HIPK3: variants seen among roughly 807,000 people sequenced by gnomAD.
HIPK3 encodes the protein homeodomain-interacting protein kinase 3.
In HIPK3, 47 loss-of-function variants were observed where a neutral mutation model predicts 124.2. That is an observed-to-expected ratio of 0.38 (90% CI 0.30 to 0.48). The LOEUF (loss-of-function observed/expected upper bound fraction) is 0.48. Among genes scored for constraint, HIPK3 ranks in the 20% least tolerant of loss-of-function variants. HIPK3 has a pLI of 0.98. For synonymous variants in HIPK3, 482 were observed against 515.2 expected, an observed-to-expected ratio of 0.94 and a Z score of 0.87; for missense variants, 1,286 against 1,454.3, an observed-to-expected ratio of 0.88 and a Z score of 1.88.
In HIPK3 at chr11:33,353,848, T is replaced by A; in HGVS notation, c.*280T>A. The A allele has an allele frequency of 2.6e-6, 1 of 381,430 alleles. No individual in the cohort carries two copies. The highest frequency in any genetic ancestry group is 4.9e-6 in the Non-Finnish European group (1 of 203,540). 23.6% of individuals were successfully genotyped at this position (381,430 alleles called of 1,614,324 possible). A position where few individuals can be genotyped will look rare whatever the true frequency, so the allele number is the denominator to read the frequency against. Reference sequence around the variant, plus strand: ...TCCTGCTATTTTTTATAAATTGCCTTCTAACTAGTGCAAGACACGTCTACA... The same window carrying A: ...TCCTGCTATTTTTTATAAATTGCCTACTAACTAGTGCAAGACACGTCTACA... On this transcript the variant is annotated 3_prime_UTR_variant, in exon 17 of 17. Transcript: ENST00000303296.
intron 1 of HIPK3, chr11:33,258,689 T>C (rs1386654150): frequency 1.3e-5 from 13 of 985,148 alleles, no homozygotes; most frequent in Non-Finnish European, 1.6e-5. Context: ...TGTTGTAAAA[T>C]GGTATGTGGC....
rs1851564287 is a variant in HIPK3, at chr11:33,286,701, C to T, written c.287C>T (p.Ala96Val). The change falls in exon 2 of 17, where the codon GCA (alanine) becomes GTA (valine). Residue 96 changes from alanine to valine, a missense_variant. Transcript: ENST00000303296. ...ACTGCAGGTGCTACAAAGGTCATAG[C>T]AGCTCAGGCACAGCAAGCTCACGTG... ...KNTAGATKVI[A>V]AQAQQAHVQA... 1 of 1,614,124 alleles carries T rather than the reference C, an allele frequency of 6.2e-7. No individual in the cohort carries two copies. The highest frequency in any genetic ancestry group is 8.5e-7 in the Non-Finnish European group (1 of 1,180,036).
intron 8 of HIPK3, among the ~76,000 whole-genome samples, chr11:33,345,337 A>C (rs993698422): frequency 2.0e-5 from 3 of 152,170 alleles, no homozygotes; most frequent in African/African-American, 7.2e-5. Context: ...CTTCTGTTAT[A>C]CTAAAATAAT....
chr11:33,305,606 A>C (rs1253526987), intron 2 of HIPK3, among the ~76,000 whole-genome samples: 1 of 152,192 alleles, frequency 6.6e-6, no homozygotes, highest in Non-Finnish European at 1.5e-5. Flanking sequence ...ACAGCTAATA[A>C]ACTGCAGAGC....
rs1853720726 is a variant in HIPK3 at position 33,353,239 on chromosome 11, G to T, written c.3319G>T (p.Ala1107Ser). ...PNHTAVHAHL[A>S]GNTHLGGQPT... is the part of the protein sequence containing the mutation. ...TCACACAGCAGTGCATGCCCACCTGGCTGGAAATACACACCTCGGAGGACA... is the reference window on the plus strand; with the variant it reads ...TCACACAGCAGTGCATGCCCACCTGTCTGGAAATACACACCTCGGAGGACA... The change falls in exon 17 of 17, where the codon GCT becomes TCT. Residue 1107 changes from alanine to serine, a missense_variant. By Grantham distance (99) the Ala-to-Ser change is moderately conservative. Transcript: ENST00000303296. The T allele has an allele frequency of 6.2e-7, 1 of 1,614,010 alleles. No homozygotes were observed. Among genetic ancestry groups the T allele is most frequent in the Non-Finnish European group, 8.5e-7 (1 of 1,179,994 alleles).
chr11:33,275,284 C>T (rs900391626), intron 1 of HIPK3, among the ~76,000 whole-genome samples: 10 of 152,078 alleles, frequency 6.6e-5, no homozygotes, highest in African/African-American at 2.2e-4. Flanking sequence ...GTGATCCGCC[C>T]GCCTCAGCCT....
chr11:33,306,515 G>A (rs1339352094), intron 2 of HIPK3, among the ~76,000 whole-genome samples: 1 of 151,870 alleles, frequency 6.6e-6, no homozygotes, highest in Non-Finnish European at 1.5e-5. Flanking sequence ...ATATACTTAT[G>A]TCTGATAGTC....
chr11:33,266,186 A>G (rs1212125945), intron 1 of HIPK3, among the ~76,000 whole-genome samples: 2 of 151,850 alleles, frequency 1.3e-5, no homozygotes, highest in Admixed American at 1.3e-4. Flanking sequence ...CAAGTATATG[A>G]TAAGTGAAAT....
chr11:33,339,020 G>A (rs571630731), intron 5 of HIPK3, among the ~76,000 whole-genome samples, 177 bp downstream of exon 5: 4 of 152,188 alleles, frequency 2.6e-5, no homozygotes, highest in Admixed American at 1.3e-4. Context: ...TGCATTTGTC[G>A]TTATCAAAAT....
chr11:33,291,158 C>T (rs1851688101), intron 2 of HIPK3, among the ~76,000 whole-genome samples: 1 of 152,096 alleles, frequency 6.6e-6, no homozygotes, highest in African/African-American at 2.4e-5. Context: ...GATACCACTA[C>T]TCTGTTTAAG....
chr11:33,353,055 T>A, intron 16 of HIPK3, 37 bp from the exon 17 acceptor site: 2 of 1,194,596 alleles, frequency 1.7e-6, no homozygotes, highest in Non-Finnish European at 2.4e-6. Flanking sequence ...TTTTAAGGTA[T>A]GTTATTCAGT....
At chr11:33,314,307 A>G (rs564740098) in intron 2 of HIPK3, among the ~76,000 whole-genome samples, 2 of 152,238 alleles carry the variant, frequency 1.3e-5, no homozygotes, top group East Asian at 1.9e-4. Flanking sequence ...ATCTACCTCA[A>G]AGGGTTTTGT....
At chr11:33,276,402 G>A (rs998780988) in intron 1 of HIPK3, among the ~76,000 whole-genome samples, 5 of 152,128 alleles carry the variant, frequency 3.3e-5, no homozygotes, top group African/African-American at 1.2e-4. Context: ...TTTTGAGACA[G>A]GGCCTATGAA....
chr11:33,310,939 C>T (rs1365407604), intron 2 of HIPK3, among the ~76,000 whole-genome samples: 1 of 152,208 alleles, frequency 6.6e-6, no homozygotes, highest in African/African-American at 2.4e-5. Flanking sequence ...AAGCCTGAGG[C>T]ATCTGCCAAG....
At chr11:33,345,260 G>A (rs1292361732) in intron 8 of HIPK3, among the ~76,000 whole-genome samples, 1 of 152,048 alleles carries the variant, frequency 6.6e-6, no homozygotes, top group African/African-American at 2.4e-5. Context: ...GACCTGAAAA[G>A]TTAGGTATTC....
At chr11:33,345,019 T>G (rs1388989645) in intron 8 of HIPK3, among the ~76,000 whole-genome samples, 1 of 152,186 alleles carries the variant, frequency 6.6e-6, no homozygotes, top group Non-Finnish European at 1.5e-5. Context: ...GGTTTGTATT[T>G]TAAAATAAAC....
chr11:33,278,253 A>C (rs555843958), intron 1 of HIPK3, among the ~76,000 whole-genome samples: 33 of 152,334 alleles, frequency 2.2e-4, no homozygotes, highest in Admixed American at 6.5e-4. Flanking sequence ...TTAATTTTCT[A>C]TCTATAATTT....
chr11:33,327,489 TG>T (rs1377881350), intron 2 of HIPK3, among the ~76,000 whole-genome samples: 1 of 152,192 alleles, frequency 6.6e-6, no homozygotes, highest in African/African-American at 2.4e-5. Flanking sequence ...TGGATCCTTT[TG>T]CCAAAAAGGA....
At chr11:33,348,910 A>G (rs1208697173) in intron 13 of HIPK3, 92 bp downstream of exon 13, 1 of 1,240,144 alleles carries the variant, frequency 8.1e-7, no homozygotes, top group Non-Finnish European at 1.1e-6. Context: ...CTTGTTTGTC[A>G]ATGTACTCTG....
Sources: gnomAD v4.1 joint callset for allele counts (sites outside exome capture counted in the v4.1 genomes callset) on GRCh38, gnomAD v4.1.1 for gene constraint, MANE v1.5 for transcripts, NCBI Gene and HGNC (gene_info 2026-07-23, HGNC 2026-07-21) for gene names.